ACOXL: variants seen among roughly 807,000 people sequenced by gnomAD.
ACOXL encodes acyl-coenzyme A oxidase-like protein.
ACOXL carries 70 observed loss-of-function variants against 71.9 expected under a neutral mutation model. That is an observed-to-expected ratio of 0.97 (90% CI 0.80 to 1.19). ACOXL has a LOEUF of 1.19. Ranked by LOEUF, ACOXL falls within the 50% of genes most tolerant of loss-of-function variation. The pLI, the probability that ACOXL is intolerant of heterozygous loss-of-function variation, is 0.00. For missense variants in ACOXL, 703 were observed against 736.3 expected (o/e 0.95, Z 0.52); for synonymous variants, 253 against 281.6 (o/e 0.90, Z 1.02).
chr2:110,767,485 G>A (rs72942179), intron 1 of ACOXL, among the ~76,000 whole-genome samples: 3,406 of 152,278 alleles, frequency 0.022, 129 homozygotes, highest in African/African-American at 0.077. Flanking sequence ...TCCCAGAGCA[G>A]GTCACCTCTT....
chr2:110,869,546 T>A (rs880507), intron 10 of ACOXL, among the ~76,000 whole-genome samples: 47,517 of 152,074 alleles, frequency 0.31, 7,686 homozygotes, highest in Non-Finnish European at 0.35. Context: ...GCCAGCACTC[T>A]CCAGCGCTGG....
chr2:110,913,433 T>C (rs987670233), intron 11 of ACOXL, among the ~76,000 whole-genome samples: 2 of 152,146 alleles, frequency 1.3e-5, no homozygotes, highest in Non-Finnish European at 1.5e-5. Flanking sequence ...TGAAAAAGAA[T>C]GAAGTACTGA....
At chr2:111,040,021 G>A (rs1308855831) in intron 15 of ACOXL, among the ~76,000 whole-genome samples, 4 of 152,202 alleles carry the variant, frequency 2.6e-5, no homozygotes, top group Non-Finnish European at 4.4e-5. Flanking sequence ...ATCCTGAGCA[G>A]TTTAAGACAA....
intron 10 of ACOXL, among the ~76,000 whole-genome samples, chr2:110,903,976 C>T (rs552432508): frequency 6.6e-6 from 1 of 152,350 alleles, no homozygotes; most frequent in Admixed American, 6.5e-5. Flanking sequence ...CTGATGGTGG[C>T]AGTCACAGGG....
intron 12 of ACOXL, among the ~76,000 whole-genome samples, chr2:110,948,232 G>T (rs2061186828): frequency 6.6e-6 from 1 of 152,238 alleles, no homozygotes. Context: ...TTTCACGTTA[G>T]ACGCAGAGCT....
intron 12 of ACOXL, among the ~76,000 whole-genome samples, chr2:110,983,844 G>T (rs1021830242): frequency 6.6e-5 from 10 of 152,056 alleles, no homozygotes; most frequent in African/African-American, 2.4e-4. Flanking sequence ...TTATGTAAGA[G>T]ATCACTTTTT....
At chr2:111,001,837 T>C (rs2063648970) in intron 14 of ACOXL, among the ~76,000 whole-genome samples, 1 of 152,086 alleles carries the variant, frequency 6.6e-6, no homozygotes, top group Non-Finnish European at 1.5e-5. Flanking sequence ...CATAATGAGG[T>C]GAAACTTTTG....
chr2:110,961,280 A>C (rs917334114), intron 12 of ACOXL, among the ~76,000 whole-genome samples: 7 of 152,228 alleles, frequency 4.6e-5, no homozygotes, highest in African/African-American at 1.7e-4. Flanking sequence ...AGAGGAGCTC[A>C]CAGCTGAGTT....
At chr2:110,827,087 A>C (rs1689253397) in intron 9 of ACOXL, among the ~76,000 whole-genome samples, 1 of 152,166 alleles carries the variant, frequency 6.6e-6, no homozygotes, top group Non-Finnish European at 1.5e-5. Context: ...CACATTAAAG[A>C]AGAGAAATGA....
intron 14 of ACOXL, among the ~76,000 whole-genome samples, chr2:111,011,813 G>C (rs2064175114): frequency 6.7e-6 from 1 of 150,044 alleles, no homozygotes; most frequent in African/African-American, 2.5e-5. Context: ...GAGTCCAGTA[G>C]GTGGAGGTTG....
chr2:111,029,761 TG>T (rs1259407101), intron 14 of ACOXL, among the ~76,000 whole-genome samples: 1 of 152,218 alleles, frequency 6.6e-6, no homozygotes, highest in Admixed American at 6.5e-5. Flanking sequence ...TCCAATGTCC[TG>T]CAACAGCACC....
chr2:111,068,152 C>CAGGG (rs1267371905), intron 16 of ACOXL, among the ~76,000 whole-genome samples: 1 of 152,166 alleles, frequency 6.6e-6, no homozygotes, highest in African/African-American at 2.4e-5. Context: ...GATAGCTTCC[C>CAGGG]AGGGCATCTA....
At chr2:110,772,215 A>G (rs61203060) in intron 2 of ACOXL, among the ~76,000 whole-genome samples, 2,137 of 152,316 alleles carry the variant, frequency 0.014, 59 homozygotes, top group African/African-American at 0.046. Context: ...ATTCAAACCC[A>G]GGTGCTCTGC....
chr2:110,801,595 A>T lies in ACOXL; in HGVS notation c.548-57A>T, dbSNP rs1048120755. 2.0e-6 allele frequency: 3 copies of T among 1,475,646 alleles called. No individual in the cohort carries two copies. In the Admixed American group the frequency reaches 5.0e-5, roughly 25 times the overall value. 91.4% of individuals were successfully genotyped at this position (1,475,646 alleles called of 1,614,324 possible). On this transcript the variant is annotated intron_variant, in intron 7 of 17. Transcript: ENST00000439055. ...TATTTTAGTGGCGACAGGCCTGGGA[A>T]GTAGCAGGGAAAATACTTCTGATGC... is the stretch of plus-strand genomic sequence containing the variant.
chr2:110,906,193 C>A (rs796868070), intron 10 of ACOXL, among the ~76,000 whole-genome samples: 15 of 152,138 alleles, frequency 9.9e-5, no homozygotes, highest in African/African-American at 3.6e-4. Flanking sequence ...CTTATGGTGG[C>A]CAAGACAAAG....
At chr2:110,964,640 A>G (rs2061847626) in intron 12 of ACOXL, among the ~76,000 whole-genome samples, 1 of 152,228 alleles carries the variant, frequency 6.6e-6, no homozygotes, top group Non-Finnish European at 1.5e-5. Context: ...GTACAGCATG[A>G]TACTGTACTG....
At chr2:111,104,087 C>G (rs1287010138) in intron 17 of ACOXL, among the ~76,000 whole-genome samples, 1 of 150,758 alleles carries the variant, frequency 6.6e-6, no homozygotes, top group African/African-American at 2.5e-5. Context: ...TAATATGCAA[C>G]CTTTGGAATT....
intron 13 of ACOXL, among the ~76,000 whole-genome samples, chr2:110,993,738 A>G (rs2063277569): frequency 6.6e-6 from 1 of 152,050 alleles, no homozygotes; most frequent in Admixed American, 6.5e-5. Context: ...ACCATTTTAC[A>G]CTCCCATCAG....
intron 6 of ACOXL, 138 bp downstream of exon 6, chr2:110,798,862 T>C: frequency 1.8e-6 from 2 of 1,139,172 alleles, no homozygotes; most frequent in Non-Finnish European, 2.6e-6. Flanking sequence ...TGAAGAAATT[T>C]ATCATTACAT....
Sources: allele counts gnomAD v4.1 joint callset (sites outside exome capture counted in the v4.1 genomes callset), GRCh38; gene constraint gnomAD v4.1.1; transcripts MANE v1.5; gene names NCBI Gene and HGNC (gene_info 2026-07-23, HGNC 2026-07-21).